PCDH15: variants seen among roughly 807,000 people sequenced by gnomAD.
PCDH15 encodes protocadherin-15.
In PCDH15, 129 loss-of-function variants were observed where a neutral mutation model predicts 178.5. The ratio of observed to expected loss-of-function variants is 0.72; its 90% confidence interval spans 0.63 to 0.84. The LOEUF is 0.84. PCDH15 is among the 40% of genes least tolerant of loss of function. The pLI, the probability that PCDH15 is intolerant of heterozygous loss-of-function variation, is 0.00. For synonymous variants in PCDH15, 800 were observed against 732.0 expected, an observed-to-expected ratio of 1.09 and a Z score of -1.50; for missense variants, 2,230 against 2,099.9, an observed-to-expected ratio of 1.06 and a Z score of -1.21.
At chr10:54,473,222 C>G (rs561003885) in intron 3 of PCDH15, among the ~76,000 whole-genome samples, 1 of 152,126 alleles carries the variant, frequency 6.6e-6, no homozygotes, top group Non-Finnish European at 1.5e-5. Flanking sequence ...GTCAAAAATA[C>G]CTTTTGAGGA....
chr10:54,346,059 T>C (rs1358125491), intron 6 of PCDH15, among the ~76,000 whole-genome samples: 2 of 152,062 alleles, frequency 1.3e-5, no homozygotes, highest in African/African-American at 4.8e-5. Flanking sequence ...TTGACACTTG[T>C]TATCTCATCT....
At chr10:55,531,694 C>T (rs910469747) in intron 2 of PCDH15, among the ~76,000 whole-genome samples, 1 of 151,910 alleles carries the variant, frequency 6.6e-6, no homozygotes, top group Admixed American at 6.6e-5. Flanking sequence ...TTGTTTCTGG[C>T]GAGTAATTGA....
At chr10:54,827,635 A>G (rs1247659554) in intron 3 of PCDH15, among the ~76,000 whole-genome samples, 2 of 152,110 alleles carry the variant, frequency 1.3e-5, no homozygotes, top group Non-Finnish European at 2.9e-5. Flanking sequence ...GATTTTCAAC[A>G]TAGAAGATCT....
At chr10:54,370,472 G>A (rs377355020) in intron 4 of PCDH15, among the ~76,000 whole-genome samples, 1 of 151,820 alleles carries the variant, frequency 6.6e-6, no homozygotes, top group Non-Finnish European at 1.5e-5. Flanking sequence ...TGTTATTTTA[G>A]TCATGATAGT....
intron 2 of PCDH15, among the ~76,000 whole-genome samples, chr10:55,563,733 C>G (rs567244112): frequency 2.0e-5 from 3 of 148,938 alleles, no homozygotes; most frequent in African/African-American, 7.4e-5. Flanking sequence ...GGAAAGCATA[C>G]AGAAAGTCAA....
chr10:54,234,730 AT>A (rs1255891054), intron 9 of PCDH15, among the ~76,000 whole-genome samples: 1 of 152,144 alleles, frequency 6.6e-6, no homozygotes, highest in Non-Finnish European at 1.5e-5. Flanking sequence ...GTGTAAAAGG[AT>A]ATTATTCATT....
At chr10:55,238,750 A>G (rs1041568205) in intron 1 of PCDH15, among the ~76,000 whole-genome samples, 21 of 151,894 alleles carry the variant, frequency 1.4e-4, no homozygotes, top group African/African-American at 4.8e-4. Flanking sequence ...GTACATAATC[A>G]TTGTATGTAT....
intron 2 of PCDH15, among the ~76,000 whole-genome samples, chr10:55,371,819 G>A (rs1845514942): frequency 6.6e-6 from 1 of 152,014 alleles, no homozygotes; most frequent in Non-Finnish European, 1.5e-5. Flanking sequence ...AAACAGATAT[G>A]TAGTTTTCAA....
chr10:54,500,717 C>A (rs137983689), intron 3 of PCDH15, among the ~76,000 whole-genome samples: 2 of 152,046 alleles, frequency 1.3e-5, no homozygotes, highest in South Asian at 2.1e-4. Flanking sequence ...GTAATTCCAG[C>A]CATTCAGGAA....
intron 1 of PCDH15, among the ~76,000 whole-genome samples, chr10:55,169,978 T>C (rs534280069): frequency 1.9e-3 from 116 of 61,790 alleles, no homozygotes; most frequent in African/African-American, 6.9e-3. Context: ...AATTTACTGA[T>C]AGAATAAAGG....
intron 37 of PCDH15, chr10:53,808,859 C>G: frequency 6.2e-7 from 1 of 1,607,436 alleles, no homozygotes; most frequent in African/African-American, 1.3e-5. Context: ...CTTTCCACAC[C>G]TCCTTCCACC....
At chr10:53,916,506 A>T (rs2083541575) in intron 25 of PCDH15, among the ~76,000 whole-genome samples, 1 of 120,200 alleles carries the variant, frequency 8.3e-6, no homozygotes, top group Admixed American at 9.7e-5. Flanking sequence ...CAACCAAATG[A>T]CTGTGACTTT....
At chr10:54,977,458 T>A (rs1409252817) in intron 2 of PCDH15, among the ~76,000 whole-genome samples, 2 of 152,130 alleles carry the variant, frequency 1.3e-5, no homozygotes, top group Non-Finnish European at 2.9e-5. Context: ...ATCAGTGCCA[T>A]GAAAGTTTAC....
At chr10:55,444,356 A>T (rs1382291588) in intron 2 of PCDH15, among the ~76,000 whole-genome samples, 3 of 152,036 alleles carry the variant, frequency 2.0e-5, no homozygotes, top group African/African-American at 7.2e-5. Flanking sequence ...ATAAGCAGAC[A>T]CACAAATACA....
chr10:54,595,821 A>G (rs1319779630), intron 2 of PCDH15, among the ~76,000 whole-genome samples: 1 of 152,196 alleles, frequency 6.6e-6, no homozygotes, highest in Admixed American at 6.5e-5. Flanking sequence ...GAATTTCATA[A>G]TGCAATTGTA....
intron 23 of PCDH15, among the ~76,000 whole-genome samples, chr10:53,954,075 C>T (rs1285029668): frequency 6.6e-6 from 1 of 152,164 alleles, no homozygotes; most frequent in Non-Finnish European, 1.5e-5. Context: ...CAGGTGTGAG[C>T]AACTGCGCCC....
intron 3 of PCDH15, among the ~76,000 whole-genome samples, chr10:54,872,060 G>T (rs867797072): frequency 2.6e-5 from 4 of 151,908 alleles, no homozygotes; most frequent in Admixed American, 6.6e-5. Context: ...AAAACAAGTG[G>T]TTATATTTAA....
At chr10:54,421,634 C>A (rs1190464056) in intron 3 of PCDH15, among the ~76,000 whole-genome samples, 1 of 134,118 alleles carries the variant, frequency 7.5e-6, no homozygotes, top group African/African-American at 2.8e-5. Flanking sequence ...TGTGTTAGGG[C>A]CTACATTTAT....
At chr10:54,719,077 G>A (rs892716329) in intron 1 of PCDH15, among the ~76,000 whole-genome samples, 2 of 151,280 alleles carry the variant, frequency 1.3e-5, no homozygotes, top group African/African-American at 4.9e-5. Context: ...TGATTTTAAA[G>A]AAGCTCAATG....
Sources: allele counts gnomAD v4.1 joint callset (sites outside exome capture counted in the v4.1 genomes callset), GRCh38; gene constraint gnomAD v4.1.1; transcripts MANE v1.5; gene names NCBI Gene and HGNC (gene_info 2026-07-23, HGNC 2026-07-21).